ANK1: variants seen among roughly 807,000 people sequenced by gnomAD.
The protein encoded by ANK1 is ankyrin-1.
A neutral mutation model predicts 210.4 loss-of-function variants in ANK1; 51 were observed. The observed-to-expected ratio is 0.24, with a 90% CI of 0.19 to 0.31. The LOEUF (loss-of-function observed/expected upper bound fraction) is 0.31. Ranked by LOEUF, ANK1 falls within the 10% of genes least tolerant of loss-of-function variation. The probability of loss-of-function intolerance (pLI) is 1.00; values close to 1 mark genes in which losing one functional copy is unlikely to be tolerated. For synonymous variants in ANK1, 967 were observed against 1,025.9 expected (o/e 0.94, Z 1.10); for missense variants, 2,051 against 2,504.4 (o/e 0.82, Z 3.86).
At position 41,797,501 on chromosome 8, in the gene ANK1, C is replaced by A; in HGVS notation, c.27+11G>T. 1 of 1,612,912 alleles carries A rather than the reference C, an allele frequency of 6.2e-7. No homozygotes were observed. The highest frequency in any genetic ancestry group is 8.5e-7 in the Non-Finnish European group (1 of 1,179,158). On this transcript the variant is annotated intron_variant, in intron 1 of 42. Transcript: ENST00000289734. The surrounding 1 kb of genome is among the most constrained non-coding windows in gnomAD (Gnocchi z 4.0). ...TCTCCCCGTCCACCCGAGCAGCCGC[C>A]CAGTACTCACTTCGCGGAAGCCCAC... is the stretch of plus-strand genomic sequence containing the variant.
chr8:41,710,718 C>T (rs538095839), intron 16 of ANK1, among the ~76,000 whole-genome samples: 1 of 152,348 alleles, frequency 6.6e-6, no homozygotes, highest in African/African-American at 2.4e-5. Context: ...CCCACCTCGG[C>T]CAGCATTCCT....
chr8:41,838,720 G>A (rs557951279), intron 1 of ANK1, among the ~76,000 whole-genome samples: 13 of 151,546 alleles, frequency 8.6e-5, no homozygotes, highest in South Asian at 4.2e-4. Flanking sequence ...AGCCTGGATC[G>A]TACCATTGCA....
chr8:41,711,938 T>G (rs1187694710), intron 16 of ANK1, among the ~76,000 whole-genome samples: 4 of 152,122 alleles, frequency 2.6e-5, no homozygotes, highest in African/African-American at 9.7e-5. Flanking sequence ...CATCTTTTTT[T>G]TTTTTAGACA....
rs767852854 is a variant in ANK1 at position 41,691,479 on chromosome 8, C to T, written c.3859-880G>A. 1.1e-4 allele frequency among the ~76,000 whole-genome samples: 17 copies of T among 152,332 alleles called. 1 individual carries two copies. Among genetic ancestry groups the T allele is most frequent in the Non-Finnish European group, 2.1e-4 (14 of 68,032 alleles). On this transcript the variant is annotated intron_variant, in intron 31 of 42. Coordinates refer to ENST00000289734, the MANE Select transcript of ANK1 (RefSeq NM_000037.4). Reference sequence around the variant, plus strand: ...TGCACTTGTTCTCTGGGGCCCTCAGCCTTCCCCAGGAAAACTCAGTGCAGA... The same window carrying T: ...TGCACTTGTTCTCTGGGGCCCTCAGTCTTCCCCAGGAAAACTCAGTGCAGA...
intron 1 of ANK1, among the ~76,000 whole-genome samples, chr8:41,787,219 C>T (rs1012088850): frequency 6.6e-6 from 1 of 152,170 alleles, no homozygotes. Flanking sequence ...GGCTGGAGGC[C>T]AGTGGAGACG....
chr8:41,734,144 G>C (rs1330951407), intron 2 of ANK1, 75 bp from the exon 3 acceptor site: 1 of 1,285,520 alleles, frequency 7.8e-7, no homozygotes, highest in Non-Finnish European at 1.1e-6. Context: ...GGGGGCCCAG[G>C]CCCCTTCCCA....
chr8:41,661,128 G>C (rs903818032), intron 42 of ANK1: 1 of 412,900 alleles, frequency 2.4e-6, no homozygotes, highest in African/African-American at 2.0e-5. Context: ...CTTTTGCCTC[G>C]ACCTCACAAA....
chr8:41,727,967 G>T lies in ANK1; in HGVS notation c.268C>A (p.Gln90Lys). The T allele has an allele frequency of 6.2e-7, 1 of 1,614,172 alleles. No homozygotes were observed. The highest frequency in any genetic ancestry group is 1.3e-5 in the African/African-American group (1 of 75,056). ...ACAAGCTCCCGGACCACCTCATCCTGCCCGGCTAGAGCAGCGATGTGCAGG... is the reference window on the plus strand; with the variant it reads ...ACAAGCTCCCGGACCACCTCATCCTTCCCGGCTAGAGCAGCGATGTGCAGG... ...TALHIAALAG[Q>K]DEVVRELVNY... is the part of the protein sequence containing the mutation. Residue 90 changes from glutamine (Q) to lysine (K), a missense_variant, in exon 4 of 43, where the codon CAG (glutamine) becomes AAG (lysine). Physicochemically the swap from Gln to Lys is moderately conservative, Grantham distance 53. This residue lies in a region of ANK1 where 72 missense variants were observed against 133.5 expected (regional missense o/e 0.54). Coordinates refer to ENST00000289734, the MANE Select transcript of ANK1 (RefSeq NM_000037.4).
At position 41,694,327 on chromosome 8, in the gene ANK1, A is replaced by G. The variant is rs1381472217; in HGVS notation, c.3328-225T>C. On this transcript the variant is annotated intron_variant, in intron 28 of 42. Transcript: ENST00000289734. The surrounding 1 kb of genome is among the most constrained non-coding windows in gnomAD (Gnocchi z 5.7). ...TGCATCTTTGCTAGCACCACAGTCA[A>G]CTCCCGGAGGTCATGCGGTTCCTGC... Among the ~76,000 whole-genome samples the G allele has an allele frequency of 1.3e-5, 2 of 151,774 alleles. No homozygotes were observed. Among genetic ancestry groups the G allele is most frequent in the Non-Finnish European group, 2.9e-5 (2 of 67,936 alleles).
chr8:41,796,095 G>A (rs1055904178), intron 1 of ANK1, among the ~76,000 whole-genome samples: 4 of 152,088 alleles, frequency 2.6e-5, no homozygotes, highest in Non-Finnish European at 4.4e-5. Context: ...AAAGTCAAGG[G>A]TGAGTTGAGT....
Position 41,756,983 on chromosome 8 carries a change from T to C in ANK1, c.129+1053A>G, listed in dbSNP as rs577336458. Among the ~76,000 whole-genome samples, 65 of 152,186 alleles carry C rather than the reference T, an allele frequency of 4.3e-4. 1 individual carries two copies. Among genetic ancestry groups the C allele is most frequent in the African/African-American group, 1.5e-3 (62 of 41,504 alleles). ...TTCCGTTTCTGTGAGGTCCCTATAG[T>C]AGTAAAATTCGTAGAGACTGGAAGT... is the stretch of plus-strand genomic sequence containing the variant. On this transcript the variant is annotated intron_variant, in intron 2 of 42. Coordinates refer to ENST00000289734, the MANE Select transcript of ANK1 (RefSeq NM_000037.4).
chr8:41,894,161 C>A (rs1347635275), intron 1 of ANK1, among the ~76,000 whole-genome samples: 6 of 152,116 alleles, frequency 3.9e-5, no homozygotes, highest in African/African-American at 1.4e-4. Context: ...TACCATCTCC[C>A]CTGCACCCAA....
chr8:41,759,120 T>C (rs1224128238), intron 1 of ANK1, among the ~76,000 whole-genome samples: 1 of 152,160 alleles, frequency 6.6e-6, no homozygotes, highest in Non-Finnish European at 1.5e-5. Flanking sequence ...TTATTAGCAC[T>C]TTACATATAC....
At chr8:41,869,160 G>T (rs1025601960) in intron 1 of ANK1, among the ~76,000 whole-genome samples, 1 of 152,062 alleles carries the variant, frequency 6.6e-6, no homozygotes, top group African/African-American at 2.4e-5. Flanking sequence ...GTCAGAAGAC[G>T]AATTGTCCCT....
intron 1 of ANK1, among the ~76,000 whole-genome samples, chr8:41,840,807 T>C (rs1808751753): frequency 6.6e-6 from 1 of 151,992 alleles, no homozygotes; most frequent in Non-Finnish European, 1.5e-5. Flanking sequence ...TCCATAAGAG[T>C]ATATCAACGC....
At chr8:41,873,140 C>G (rs1009749644) in intron 1 of ANK1, among the ~76,000 whole-genome samples, 82 of 152,334 alleles carry the variant, frequency 5.4e-4, no homozygotes, top group African/African-American at 1.9e-3. Flanking sequence ...AAAAAAGTCA[C>G]TATTCTATTT....
chr8:41,817,521 G>A (rs1803530952), intron 1 of ANK1, among the ~76,000 whole-genome samples: 1 of 152,174 alleles, frequency 6.6e-6, no homozygotes, highest in Non-Finnish European at 1.5e-5. Context: ...CAGCCTGAAT[G>A]TCAAGGTGCT....
At chr8:41,706,307 T>C in intron 17 of ANK1, 66 bp from the exon 18 acceptor site, 4 of 1,447,888 alleles carry the variant, frequency 2.8e-6, no homozygotes, top group Non-Finnish European at 3.8e-6. Flanking sequence ...AGTAAAGAGC[T>C]CTGAGGTCTG....
At chr8:41,714,699 T>C (rs968254973) in intron 15 of ANK1, among the ~76,000 whole-genome samples, 6 of 151,776 alleles carry the variant, frequency 4.0e-5, no homozygotes, top group African/African-American at 1.5e-4. Context: ...GTCTCTATAA[T>C]TGTTTTTTTA....
Sources: gnomAD v4.1 joint callset for allele counts (sites outside exome capture counted in the v4.1 genomes callset) on GRCh38, gnomAD v4.1.1 for gene constraint, gnomAD v4.1.1 regional missense constraint, Gnocchi (gnomAD v3.1) non-coding constraint, MANE v1.5 for transcripts, NCBI Gene and HGNC (gene_info 2026-07-23, HGNC 2026-07-21) for gene names.